Variants in MAP4 observed in about 807,000 individuals in gnomAD.
The protein encoded by MAP4 is microtubule associated protein 4, also known as microtubule-associated protein 4.
MAP4 carries 76 observed loss-of-function variants against 170.2 expected under a neutral mutation model. That is an observed-to-expected ratio of 0.45 (90% CI 0.37 to 0.54). The LOEUF is 0.54. MAP4 is among the 20% of genes least tolerant of loss of function. The pLI is 0.00. For missense variants in MAP4, 2,506 were observed against 2,748.0 expected, an observed-to-expected ratio of 0.91 and a Z score of 1.97; for synonymous variants, 909 against 994.5, an observed-to-expected ratio of 0.91 and a Z score of 1.62.
chr3:47,891,525 G>A, intron 10 of MAP4: 1 of 1,516,710 alleles, frequency 6.6e-7, no homozygotes, highest in Non-Finnish European at 8.8e-7. Flanking sequence ...TCTCGGGCAG[G>A]GAGTTCAGGG....
intron 9 of MAP4, 86 bp downstream of exon 9, chr3:47,908,952 G>C: frequency 7.3e-7 from 1 of 1,371,040 alleles, no homozygotes. Context: ...TTAGAGTCTG[G>C]ATGGAGCCAA....
chr3:48,005,123 A>G (rs2100101507), intron 1 of MAP4, among the ~76,000 whole-genome samples: 1 of 152,160 alleles, frequency 6.6e-6, no homozygotes, highest in African/African-American at 2.4e-5. Flanking sequence ...ATACTTTGTG[A>G]GGCCGAGGTG....
rs879665851 is a variant in MAP4, at chr3:48,060,750, C to CA, written c.-20+28022dup. Among the ~76,000 whole-genome samples, 641 of 126,436 alleles carry CA rather than the reference C, an allele frequency of 5.1e-3. 4 individuals are homozygous for CA. Among genetic ancestry groups the CA allele is most frequent in the African/African-American group, 0.012 (407 of 34,114 alleles). 82.9% of individuals were successfully genotyped at this position (126,436 alleles called of 152,430 possible). On this transcript the variant is annotated intron_variant, in intron 1 of 18. Coordinates refer to the MAP4 transcript ENST00000360240. ...GCAACGTGTCGAAACCCTGTCTCTA[C>CA]AAAAAAAAAAATAATAATAATACAA...
chr3:48,040,413 C>T (rs766109706), intron 1 of MAP4, among the ~76,000 whole-genome samples: 1 of 151,946 alleles, frequency 6.6e-6, no homozygotes. Flanking sequence ...AGACTACAGG[C>T]GCCTGCAGCC....
intron 1 of MAP4, among the ~76,000 whole-genome samples, chr3:48,062,494 T>TAAAAA (rs1156947592): frequency 0.014 from 1,126 of 79,642 alleles, 1 homozygote; most frequent in Non-Finnish European, 0.017. Flanking sequence ...GAATGATCAA[T>TAAAAA]AAAAAAAAAA....
intron 9 of MAP4, among the ~76,000 whole-genome samples, chr3:47,903,289 T>G (rs944368024): frequency 2.6e-5 from 4 of 152,162 alleles, no homozygotes; most frequent in African/African-American, 9.7e-5. Context: ...ATCCCAGCAC[T>G]TTGGGAGGCC....
chr3:48,078,921 AG>A (rs2100145192), intron 1 of MAP4, among the ~76,000 whole-genome samples: 1 of 152,118 alleles, frequency 6.6e-6, no homozygotes, highest in Non-Finnish European at 1.5e-5. Context: ...TGAAATCCTC[AG>A]CATGTTAGGA....
intron 1 of MAP4, among the ~76,000 whole-genome samples, chr3:48,010,479 G>C (rs925703143): frequency 2.6e-5 from 4 of 152,124 alleles, no homozygotes; most frequent in African/African-American, 7.2e-5. Flanking sequence ...TAGTATTTGG[G>C]TTGGGGATTG....
At chr3:47,879,485 T>C (rs1054328001) in intron 10 of MAP4, among the ~76,000 whole-genome samples, 1 of 152,140 alleles carries the variant, frequency 6.6e-6, no homozygotes, top group African/African-American at 2.4e-5. Context: ...ATAGGGAAGG[T>C]CCCTGTGTAC....
At chr3:48,035,188 A>G (rs1281819326) in intron 1 of MAP4, among the ~76,000 whole-genome samples, 1 of 133,116 alleles carries the variant, frequency 7.5e-6, no homozygotes, top group African/African-American at 2.5e-5. Flanking sequence ...TCTGATTTGT[A>G]TGAAAAAAAA....
chr3:47,995,514 G>C (rs2100095001), intron 2 of MAP4, among the ~76,000 whole-genome samples: 3 of 152,112 alleles, frequency 2.0e-5, no homozygotes, highest in Admixed American at 2.0e-4. Flanking sequence ...GTCTCCCAAA[G>C]TGCTGGGATT....
intron 9 of MAP4, among the ~76,000 whole-genome samples, chr3:47,907,419 ATTTTTT>A (rs771326879): frequency 6.3e-4 from 95 of 151,762 alleles, no homozygotes; most frequent in Non-Finnish European, 1.1e-3. Flanking sequence ...TAGTTTAAAA[ATTTTTT>A]TTTAACTATT....
chr3:47,986,088 G>A (rs2100088483), intron 2 of MAP4, among the ~76,000 whole-genome samples: 1 of 152,198 alleles, frequency 6.6e-6, no homozygotes, highest in Non-Finnish European at 1.5e-5. Flanking sequence ...GTACATGGTA[G>A]GTTCTTGGCT....
At chr3:47,962,675 G>C (rs183312692) in intron 3 of MAP4, among the ~76,000 whole-genome samples, 14 of 152,140 alleles carry the variant, frequency 9.2e-5, no homozygotes, top group African/African-American at 3.4e-4. Flanking sequence ...TAATAGGAAA[G>C]AGTGGAAGAA....
intron 10 of MAP4, among the ~76,000 whole-genome samples, chr3:47,882,213 A>G (rs899041567): frequency 1.4e-4 from 22 of 152,210 alleles, no homozygotes; most frequent in Non-Finnish European, 2.5e-4. Flanking sequence ...TGGGAAGTGA[A>G]GGTTGCAGTG....
chr3:47,917,236 T>C, intron 6 of MAP4, 62 bp from the exon 7 acceptor site: 1 of 1,361,362 alleles, frequency 7.3e-7, no homozygotes, highest in Non-Finnish European at 1.0e-6. Flanking sequence ...AAATGCTTAC[T>C]TTCTTCAGGC....
intron 10 of MAP4, among the ~76,000 whole-genome samples, chr3:47,901,613 G>A (rs1215291850): frequency 6.6e-6 from 1 of 151,470 alleles, no homozygotes; most frequent in Non-Finnish European, 1.5e-5. Context: ...GGCGGAGGCT[G>A]TAGTCAGCTG....
At chr3:47,950,810 C>A (rs2154096756) in intron 3 of MAP4, among the ~76,000 whole-genome samples, 1 of 152,074 alleles carries the variant, frequency 6.6e-6, no homozygotes, top group Admixed American at 6.5e-5. Flanking sequence ...TGAGGTGGCC[C>A]CAATCATCTG....
intron 3 of MAP4, chr3:47,974,837 C>G (rs1305824588): frequency 2.1e-6 from 2 of 963,332 alleles, no homozygotes; most frequent in East Asian, 2.3e-4. Flanking sequence ...TCTAGGATTA[C>G]TCAGAACTAC....
Sources: allele counts gnomAD v4.1 joint callset (sites outside exome capture counted in the v4.1 genomes callset), GRCh38; gene constraint gnomAD v4.1.1; transcripts MANE v1.5; gene names NCBI Gene and HGNC (gene_info 2026-07-23, HGNC 2026-07-21).